The following FAT3 variants were observed in gnomAD, a reference collection of about 807,000 sequenced individuals.
The protein encoded by FAT3 is FAT atypical cadherin 3.
A neutral mutation model predicts 310.2 loss-of-function variants in FAT3; 95 were observed. The ratio of observed to expected loss-of-function variants is 0.31; its 90% CI spans 0.26 to 0.36. The LOEUF (loss-of-function observed/expected upper bound fraction) is 0.36. Among genes scored for constraint, FAT3 ranks in the 10% least tolerant of loss-of-function variants. FAT3 has a pLI of 1.00. For synonymous variants in FAT3, 2,314 were observed against 2,192.9 expected (o/e 1.06, Z -1.54); for missense variants, 5,408 against 5,715.6 (o/e 0.95, Z 1.74).
intron 2 of FAT3, among the ~76,000 whole-genome samples, chr11:92,429,582 C>G (rs922611576): frequency 6.6e-6 from 1 of 152,146 alleles, no homozygotes; most frequent in Non-Finnish European, 1.5e-5. Context: ...CTGGTGGTAA[C>G]AAGATCCCTC....
chr11:92,296,174 G>T (rs1321652569), intron 1 of FAT3, among the ~76,000 whole-genome samples: 1 of 152,104 alleles, frequency 6.6e-6, no homozygotes, highest in African/African-American at 2.4e-5. Context: ...AAAAATCTCA[G>T]AATTCCACTT....
At chr11:92,840,419 C>A (rs935539243) in intron 17 of FAT3, 143 bp from the exon 18 acceptor site, 4 of 677,574 alleles carry the variant, frequency 5.9e-6, no homozygotes, top group African/African-American at 5.4e-5. Flanking sequence ...CACAGGGAAT[C>A]CCTTCTGCTG....
intron 2 of FAT3, among the ~76,000 whole-genome samples, chr11:92,436,128 T>C (rs972957703): frequency 1.3e-5 from 2 of 152,308 alleles, no homozygotes; most frequent in South Asian, 2.1e-4. Context: ...ATTTTTCTTT[T>C]ATTTTTTTGA....
chr11:92,271,665 A>G (rs1344908133), intron 1 of FAT3, among the ~76,000 whole-genome samples: 1 of 152,140 alleles, frequency 6.6e-6, no homozygotes, highest in East Asian at 1.9e-4. Flanking sequence ...ACTGAGTGAC[A>G]TTTAATATTC....
chr11:92,350,584 G>A (rs1317821603), intron 1 of FAT3, among the ~76,000 whole-genome samples: 2 of 152,092 alleles, frequency 1.3e-5, no homozygotes, highest in Non-Finnish European at 2.9e-5. Flanking sequence ...ATGGGGAAAA[G>A]CATGGATTTT....
At chr11:92,486,949 T>C (rs1307374641) in intron 2 of FAT3, among the ~76,000 whole-genome samples, 1 of 152,136 alleles carries the variant, frequency 6.6e-6, no homozygotes, top group African/African-American at 2.4e-5. Context: ...TTGGGGAGCC[T>C]AACCCTGATT....
intron 3 of FAT3, among the ~76,000 whole-genome samples, chr11:92,592,781 T>C (rs1939504885): frequency 6.6e-6 from 1 of 152,192 alleles, no homozygotes; most frequent in African/African-American, 2.4e-5. Context: ...AAAGATATGG[T>C]GCATATTTTA....
chr11:92,308,641 A>T (rs188236789), intron 1 of FAT3, among the ~76,000 whole-genome samples: 1 of 152,310 alleles, frequency 6.6e-6, no homozygotes, highest in Admixed American at 6.5e-5. Flanking sequence ...TTGTGAGTTA[A>T]GCCCAGAAAA....
At chr11:92,423,200 C>G (rs55924591) in intron 2 of FAT3, among the ~76,000 whole-genome samples, 11,800 of 152,162 alleles carry the variant, frequency 0.078, 654 homozygotes, top group African/African-American at 0.15. Context: ...ATACACTGGA[C>G]AGCCATGGAT....
chr11:92,775,637 G>C lies in FAT3; in HGVS notation c.4335+1457G>C, dbSNP rs4112711. ...CATAATTATTCTCCTTCCCTTAACT[G>C]ACTATTAATAATTGTTATATAAAAG... On this transcript the variant is annotated intron_variant, in intron 7 of 27. Coordinates refer to ENST00000525166, the MANE Select transcript of FAT3 (RefSeq NM_001367949.2). Among the ~76,000 whole-genome samples the C allele has an allele frequency of 7.8e-3, 1,185 of 152,142 alleles. 47 individuals are homozygous for C. The East Asian group carries it at 0.09, about 12-fold the overall frequency.
intron 1 of FAT3, among the ~76,000 whole-genome samples, chr11:92,316,036 A>G (rs1032081186): frequency 6.6e-6 from 1 of 152,096 alleles, no homozygotes; most frequent in Non-Finnish European, 1.5e-5. Context: ...TGATGAAATC[A>G]TTAAAAGATT....
rs758163545 is a variant in FAT3, at chr11:92,882,886, C to A, written c.12430C>A (p.Gln4144Lys). The A allele has an allele frequency of 1.9e-6, 3 of 1,612,538 alleles. No homozygotes were observed. Among genetic ancestry groups the A allele is most frequent in the South Asian group, 1.1e-5 (1 of 90,628 alleles). ...GLRPVVVPNI[Q>K]AGHSYVGKEE... ...GCGCCCCGTGGTGGTACCCAATATCCAGGCTGGCCACTCCTACGTGGGGAA... is the reference window on the plus strand; with the variant it reads ...GCGCCCCGTGGTGGTACCCAATATCAAGGCTGGCCACTCCTACGTGGGGAA... Residue 4144 changes from glutamine to lysine, a missense_variant, in exon 24 of 28, where the codon CAG becomes AAG. This residue lies in a region of FAT3 where 649 missense variants were observed against 666.2 expected (regional missense o/e 0.97). Transcript: ENST00000525166.
In FAT3 at chr11:92,890,789, C is replaced by T. The variant is rs1454933848; in HGVS notation, c.13446C>T (p.Cys4482=). Reference sequence around the variant, plus strand: ...TGGCCAGCACACTGAGCCCAGACTGCAGGAGAAGGCCCCAGTTTCATCCTA... The same window carrying T: ...TGGCCAGCACACTGAGCCCAGACTGTAGGAGAAGGCCCCAGTTTCATCCTA... ...VSLASTLSPD[C]RRRPQFHPSQ... Residue 4482 remains cysteine (C), a synonymous_variant, in exon 28 of 28, where the codon TGC becomes TGT. Coordinates refer to ENST00000525166, the MANE Select transcript of FAT3 (RefSeq NM_001367949.2). 6 of 1,613,682 alleles carry T rather than the reference C, an allele frequency of 3.7e-6. No homozygotes were observed. The highest frequency in any genetic ancestry group is 4.2e-6 in the Non-Finnish European group (5 of 1,179,868).
chr11:92,293,243 A>AG (rs957240056), intron 1 of FAT3, among the ~76,000 whole-genome samples: 2 of 151,388 alleles, frequency 1.3e-5, no homozygotes, highest in African/African-American at 2.4e-5. Context: ...GAGGCCATGG[A>AG]GGGGGGATGA....
Position 92,355,089 on chromosome 11 carries a change from C to T in FAT3, c.2977C>T (p.Arg993Cys), listed in dbSNP as rs201896979. Residue 993 changes from arginine to cysteine, a missense_variant, in exon 2 of 28, where the codon CGC becomes TGC. Around this residue, in one of 5 missense-constraint regions of FAT3, gnomAD observed 4,588 missense variants for 4,809.8 expected, o/e 0.95. Coordinates refer to ENST00000525166, the MANE Select transcript of FAT3 (RefSeq NM_001367949.2). ...FEIDKASGAIRLSKELDYEKQ... is the reference protein window; with the variant it reads ...FEIDKASGAICLSKELDYEKQ... ...AATAGATAAAGCAAGTGGTGCCATC[C>T]GCTTGAGCAAAGAGCTTGATTATGA... is the stretch of plus-strand genomic sequence containing the variant. 202 of 1,613,520 alleles carry T rather than the reference C, an allele frequency of 1.3e-4. 1 individual carries two copies. The highest frequency in any genetic ancestry group is 1.5e-4 in the Non-Finnish European group (180 of 1,179,828).
chr11:92,391,056 C>G (rs1053556497), intron 2 of FAT3, among the ~76,000 whole-genome samples: 5 of 152,262 alleles, frequency 3.3e-5, no homozygotes, highest in African/African-American at 1.2e-4. Context: ...TCATAGTACC[C>G]ACTTAATTTT....
chr11:92,447,640 C>T (rs960108914), intron 2 of FAT3, among the ~76,000 whole-genome samples: 8 of 152,002 alleles, frequency 5.3e-5, no homozygotes, highest in African/African-American at 1.9e-4. Context: ...TTTCCCTGGT[C>T]TTACTTAGAA....
intron 2 of FAT3, among the ~76,000 whole-genome samples, chr11:92,494,937 A>T (rs1405286653): frequency 1.3e-5 from 2 of 152,108 alleles, no homozygotes; most frequent in African/African-American, 4.8e-5. Flanking sequence ...ACGAAACATT[A>T]TATAGGGACA....
chr11:92,781,354 G>A (rs1232698123), intron 7 of FAT3, among the ~76,000 whole-genome samples: 4 of 151,454 alleles, frequency 2.6e-5, no homozygotes, highest in African/African-American at 7.3e-5. Context: ...CCGAGCCACC[G>A]CGCCCGGCCA....
Sources: allele counts gnomAD v4.1 joint callset (sites outside exome capture counted in the v4.1 genomes callset), GRCh38; gene constraint gnomAD v4.1.1; regional missense constraint gnomAD v4.1.1; transcripts MANE v1.5; gene names NCBI Gene and HGNC (gene_info 2026-07-23, HGNC 2026-07-21).